GCSAML: variants seen among roughly 807,000 people sequenced by gnomAD.
GCSAML encodes germinal center-associated signaling and motility-like protein.
In GCSAML, 9 loss-of-function variants were observed where a neutral mutation model predicts 13.0. The observed-to-expected ratio is 0.69, with a 90% CI of 0.42 to 1.21. The LOEUF (loss-of-function observed/expected upper bound fraction) is 1.21. GCSAML is among the 50% of genes most tolerant of loss of function. The pLI, the probability that GCSAML is intolerant of heterozygous loss-of-function variation, is 0.00. For missense variants in GCSAML, 143 were observed against 153.4 expected (o/e 0.93, Z 0.36); for synonymous variants, 37 against 52.9 (o/e 0.70, Z 1.31).
intron 2 of GCSAML, chr1:247,531,277 C>G (rs1666940649): frequency 2.2e-6 from 1 of 445,060 alleles, no homozygotes; most frequent in African/African-American, 2.0e-5. Flanking sequence ...AACAGCTGAA[C>G]AACAACGCAA....
At chr1:247,546,512 C>A (rs981724461), upstream of GCSAML, among the ~76,000 whole-genome samples, 1 of 152,010 alleles carries the variant, frequency 6.6e-6, no homozygotes, top group African/African-American at 2.4e-5. Context: ...GTGCCCGCCA[C>A]CACGCCTGGC....
At chr1:247,550,856 G>T (rs750250252) in intron 1 of GCSAML, among the ~76,000 whole-genome samples, 3 of 152,012 alleles carry the variant, frequency 2.0e-5, no homozygotes, top group South Asian at 4.2e-4. Context: ...GGTCTTGGTC[G>T]CAAGAAAAAA....
chr1:247,531,316 CAT>C (rs1666942364), intron 2 of GCSAML: 9 of 549,610 alleles, frequency 1.6e-5, no homozygotes, highest in African/African-American at 5.6e-5. Flanking sequence ...TGACAGTCAA[CAT>C]GTGTATATAT....
rs567950767 is a variant in GCSAML, at chr1:247,563,866, T to A, written c.139+227T>A. Among the ~76,000 whole-genome samples the A allele has an allele frequency of 2.6e-5, 4 of 152,326 alleles. No homozygotes were observed. The South Asian group carries it at 8.3e-4, about 32-fold the overall frequency. ...TTCTGTGGAAAGAAGTTAACCAAAA[T>A]TCTACTGTTTTTAATTTGTATATTG... On this transcript the variant is annotated intron_variant, in intron 3 of 4. Coordinates refer to ENST00000366488, the MANE Select transcript of GCSAML (RefSeq NM_145278.5).
intron 1 of GCSAML, among the ~76,000 whole-genome samples, chr1:247,550,533 A>G (rs1667736295): frequency 6.6e-6 from 1 of 152,118 alleles, no homozygotes; most frequent in Non-Finnish European, 1.5e-5. Flanking sequence ...GCTACTCGGC[A>G]GGCTGGGGCA....
At chr1:247,513,342 T>C (rs1666106270) in intron 1 of GCSAML, among the ~76,000 whole-genome samples, 1 of 152,154 alleles carries the variant, frequency 6.6e-6, no homozygotes, top group Non-Finnish European at 1.5e-5. Context: ...GCCTCAGTAA[T>C]GGCGGACACC....
In GCSAML at chr1:247,567,522, G is replaced by A. The variant is rs753122372; in HGVS notation, c.168+1563G>A. Among the ~76,000 whole-genome samples, 48 of 152,242 alleles carry A rather than the reference G, an allele frequency of 3.2e-4. No individual in the cohort carries two copies. In the Middle Eastern group the frequency reaches 0.01, roughly 32 times the overall value. On this transcript the variant is annotated intron_variant, in intron 4 of 4. Coordinates refer to ENST00000366488, the MANE Select transcript of GCSAML (RefSeq NM_145278.5). ...GACCATAAACTTATTCTTTTTTATG[G>A]CTGCATAGTATTCCATGATGTATTT... is the stretch of plus-strand genomic sequence containing the variant.
rs1381471987 is a variant in GCSAML at position 247,574,315 on chromosome 1, G to A, written c.341G>A (p.Arg114Lys). The change falls in exon 5 of 5, where the codon AGG becomes AAG. Residue 114 changes from arginine (R) to lysine (K), a missense_variant. Transcript: ENST00000366488. ...TCAGAGACAGAATATGCCCTTCTTA[G>A]GACTTCTGTTAGTAGGCCTTGTTCC... ...ERSETEYALLRTSVSRPCSCT... is the reference protein window; with the variant it reads ...ERSETEYALLKTSVSRPCSCT... 1.9e-6 allele frequency: 3 copies of A among 1,613,990 alleles called. No homozygotes were observed. The highest frequency in any genetic ancestry group is 2.2e-5 in the East Asian group (1 of 44,860).
At chr1:247,537,272 T>C (rs1031395255) in intron 2 of GCSAML, among the ~76,000 whole-genome samples, 4 of 152,098 alleles carry the variant, frequency 2.6e-5, no homozygotes, top group African/African-American at 7.3e-5. Flanking sequence ...ATTTTCAAGG[T>C]TCATCTATGT....
intron 1 of GCSAML, among the ~76,000 whole-genome samples, chr1:247,554,167 T>C (rs1667878381): frequency 6.6e-6 from 1 of 152,220 alleles, no homozygotes; most frequent in African/African-American, 2.4e-5. Context: ...TGAAGTTTGG[T>C]AAATTGTGTA....
intron 1 of GCSAML, among the ~76,000 whole-genome samples, chr1:247,513,875 G>A (rs1666125901): frequency 6.6e-6 from 1 of 152,130 alleles, no homozygotes; most frequent in Non-Finnish European, 1.5e-5. Flanking sequence ...AGATGAGCTG[G>A]GTACCTCAGT....
chr1:247,566,321 C>T (rs779290404), intron 4 of GCSAML, among the ~76,000 whole-genome samples: 2 of 152,170 alleles, frequency 1.3e-5, no homozygotes, highest in Non-Finnish European at 2.9e-5. Context: ...CGGCTCACTG[C>T]AACCTCCACC....
chr1:247,528,165 GCT>G (rs1316553153), intron 2 of GCSAML: 2 of 151,708 alleles, frequency 1.3e-5, no homozygotes, highest in Non-Finnish European at 2.9e-5. Flanking sequence ...TAGAGTACCT[GCT>G]GTCTGCTTTT....
At position 247,538,448 on chromosome 1, in the gene GCSAML, G is replaced by A. The variant is rs571585793; in HGVS notation, c.-147-10597G>A. Among the ~76,000 whole-genome samples the A allele has an allele frequency of 2.6e-5, 4 of 152,204 alleles. No homozygotes were observed. The South Asian group carries it at 8.3e-4, about 32-fold the overall frequency. On this transcript the variant is annotated intron_variant, in intron 2 of 5. Coordinates refer to the GCSAML transcript ENST00000366489. ...GCCTATACTACAGCTTCATTTGGATGGTGTTATGAACTGAATTGTGCCCTA... is the reference window on the plus strand; with the variant it reads ...GCCTATACTACAGCTTCATTTGGATAGTGTTATGAACTGAATTGTGCCCTA...
chr1:247,533,207 C>A (rs1667079353), intron 2 of GCSAML, among the ~76,000 whole-genome samples: 1 of 152,178 alleles, frequency 6.6e-6, no homozygotes, highest in Non-Finnish European at 1.5e-5. Context: ...TAACTCATCT[C>A]TCTGCTTCTC....
At chr1:247,529,076 G>A (rs888508726) in intron 2 of GCSAML, 8 of 152,242 alleles carry the variant, frequency 5.3e-5, no homozygotes, top group African/African-American at 1.9e-4. Flanking sequence ...GTTAGCATGT[G>A]ATTTGGCACT....
chr1:247,541,257 TA>T (rs1163217023), intron 2 of GCSAML, among the ~76,000 whole-genome samples: 2 of 152,208 alleles, frequency 1.3e-5, no homozygotes, highest in African/African-American at 4.8e-5. Flanking sequence ...GCATTGCTTA[TA>T]ATTAATGTCT....
In GCSAML at chr1:247,574,589, A is replaced by G; in HGVS notation, c.*207A>G. The G allele has an allele frequency of 1.7e-6, 1 of 572,192 alleles. No individual in the cohort carries two copies. The highest frequency in any genetic ancestry group is 2.9e-5 in the East Asian group (1 of 34,644). The allele number at this position is 572,192 out of a possible 1,614,324, so 35.4% of individuals were successfully genotyped here. A position where few individuals can be genotyped will look rare whatever the true frequency, so the allele number is the denominator to read the frequency against. On this transcript the variant is annotated 3_prime_UTR_variant, in exon 5 of 5. Transcript: ENST00000366488. ...ATCATAGAAATTGACACAATGACCT[A>G]AAATATTCTATGTGTTTTTGCTTGT...
In GCSAML at chr1:247,522,357, C is replaced by T. The variant is rs561882298; in HGVS notation, c.-262-4583C>T. ...GAGGTGGGGGACGCCTCTGCCCGGCCGCCCCTTCTGGGAGGTGAGGAGCCC... is the reference window on the plus strand; with the variant it reads ...GAGGTGGGGGACGCCTCTGCCCGGCTGCCCCTTCTGGGAGGTGAGGAGCCC... On this transcript the variant is annotated intron_variant, in intron 1 of 5. Transcript: ENST00000366489. Among the ~76,000 whole-genome samples the T allele has an allele frequency of 6.0e-5, 9 of 150,162 alleles. No homozygotes were observed. In the South Asian group the frequency reaches 6.4e-4, roughly 11 times the overall value.
Sources: allele counts gnomAD v4.1 joint callset (sites outside exome capture counted in the v4.1 genomes callset), GRCh38; gene constraint gnomAD v4.1.1; transcripts MANE v1.5; gene names NCBI Gene and HGNC (gene_info 2026-07-23, HGNC 2026-07-21).